Variants in GRID2 observed in about 807,000 individuals in gnomAD.
GRID2 encodes glutamate ionotropic receptor delta type subunit 2.
GRID2 carries 33 observed loss-of-function variants against 114.8 expected under a neutral mutation model. That is an observed-to-expected ratio of 0.29 (90% CI 0.22 to 0.38). GRID2 has a LOEUF of 0.38. GRID2 is among the 10% of genes least tolerant of loss of function. The pLI is 1.00. For missense variants in GRID2, 1,184 were observed against 1,257.7 expected, an observed-to-expected ratio of 0.94 and a Z score of 0.89; for synonymous variants, 505 against 449.9, an observed-to-expected ratio of 1.12 and a Z score of -1.55.
chr4:93,165,148 G>T (rs1234895066), intron 4 of GRID2, among the ~76,000 whole-genome samples: 1 of 152,020 alleles, frequency 6.6e-6, no homozygotes. Flanking sequence ...CAATTGCAAA[G>T]AAATATAAAT....
rs995880542 is a variant in GRID2, at chr4:92,607,267, A to C, written c.244+16981A>C. On this transcript the variant is annotated intron_variant, in intron 2 of 15. Coordinates refer to ENST00000282020, the MANE Select transcript of GRID2 (RefSeq NM_001510.4). ...TTTAAATAATATGACAAATGAAATAAACACGAATGTTAATGCTGAAGTTAT... is the reference window on the plus strand; with the variant it reads ...TTTAAATAATATGACAAATGAAATACACACGAATGTTAATGCTGAAGTTAT... Among the ~76,000 whole-genome samples, 3 of 151,992 alleles carry C rather than the reference A, an allele frequency of 2.0e-5. No homozygotes were observed. The East Asian group carries it at 5.8e-4, about 29-fold the overall frequency.
intron 2 of GRID2, among the ~76,000 whole-genome samples, chr4:92,685,698 A>G (rs555204866): frequency 6.6e-6 from 1 of 152,188 alleles, no homozygotes; most frequent in South Asian, 2.1e-4. Flanking sequence ...TTTAATATCC[A>G]AGATGTTGCC....
At chr4:93,607,821 T>A (rs1740412626) in intron 13 of GRID2, among the ~76,000 whole-genome samples, 1 of 152,152 alleles carries the variant, frequency 6.6e-6, no homozygotes, top group Admixed American at 6.6e-5. Flanking sequence ...TGTACTATTT[T>A]GCATTGCCTC....
At chr4:92,543,999 G>A (rs1436146447) in intron 1 of GRID2, among the ~76,000 whole-genome samples, 3 of 152,130 alleles carry the variant, frequency 2.0e-5, no homozygotes, top group Admixed American at 6.6e-5. Context: ...AAAGAACATG[G>A]TTGGAGTATT....
At chr4:92,841,194 G>T (rs1316794092) in intron 2 of GRID2, among the ~76,000 whole-genome samples, 1 of 151,972 alleles carries the variant, frequency 6.6e-6, no homozygotes. Context: ...TGCTTCCACA[G>T]GAACTGTCAG....
chr4:93,140,570 G>T (rs900430785), intron 4 of GRID2, among the ~76,000 whole-genome samples: 7 of 152,046 alleles, frequency 4.6e-5, no homozygotes, highest in African/African-American at 1.4e-4. Flanking sequence ...CTTACCTCAC[G>T]TACCCTCTGA....
At chr4:92,650,376 G>A (rs1302483770) in intron 2 of GRID2, among the ~76,000 whole-genome samples, 1 of 151,996 alleles carries the variant, frequency 6.6e-6, no homozygotes, top group Admixed American at 6.6e-5. Flanking sequence ...ACTATTGTTA[G>A]TCCTGCTTAG....
At chr4:93,805,753 T>C (rs544702521) in intron 1 of GRID2, among the ~76,000 whole-genome samples, 1 of 152,328 alleles carries the variant, frequency 6.6e-6, no homozygotes, top group Admixed American at 6.5e-5. Context: ...ATGGCTGAAA[T>C]ATGCCATCTA....
At chr4:93,081,462 A>G (rs182690548) in intron 2 of GRID2, among the ~76,000 whole-genome samples, 35 of 152,330 alleles carry the variant, frequency 2.3e-4, no homozygotes, top group African/African-American at 7.9e-4. Context: ...ATTAAATTCC[A>G]TAACTGCAGA....
intron 1 of GRID2, among the ~76,000 whole-genome samples, chr4:92,363,173 G>C (rs1276246593): frequency 6.6e-6 from 1 of 152,052 alleles, no homozygotes; most frequent in Non-Finnish European, 1.5e-5. Context: ...GTGAAGTAGA[G>C]TATTAGATGC....
intron 1 of GRID2, among the ~76,000 whole-genome samples, chr4:92,379,213 AT>A (rs5860273): frequency 0.41 from 62,620 of 151,516 alleles, 13,966 homozygotes; most frequent in East Asian, 0.7. Flanking sequence ...ATAAAGTTTA[AT>A]TTTTTTTACC....
At chr4:92,802,834 A>C (rs1015888365) in intron 2 of GRID2, among the ~76,000 whole-genome samples, 5 of 151,990 alleles carry the variant, frequency 3.3e-5, no homozygotes, top group Non-Finnish European at 7.4e-5. Context: ...AGGCCTCTTC[A>C]TTCCAATGGG....
chr4:93,074,103 A>T (rs1395526037), intron 2 of GRID2, among the ~76,000 whole-genome samples: 1 of 152,206 alleles, frequency 6.6e-6, no homozygotes, highest in Non-Finnish European at 1.5e-5. Context: ...TATTCTAAAT[A>T]CTACAAAGTA....
chr4:93,435,393 C>A (rs1387416882), intron 10 of GRID2, among the ~76,000 whole-genome samples: 1 of 152,074 alleles, frequency 6.6e-6, no homozygotes, highest in Non-Finnish European at 1.5e-5. Context: ...ACACTTTGAG[C>A]TTTTGTTCCT....
intron 8 of GRID2, among the ~76,000 whole-genome samples, chr4:93,286,660 G>T (rs1753182145): frequency 6.7e-6 from 1 of 148,740 alleles, no homozygotes; most frequent in South Asian, 2.1e-4. Context: ...CCCCTCAATG[G>T]GGAAAAGCTT....
At chr4:92,887,541 A>T (rs1317093080) in intron 2 of GRID2, among the ~76,000 whole-genome samples, 1 of 38,568 alleles carries the variant, frequency 2.6e-5, no homozygotes, top group Non-Finnish European at 4.6e-5. Context: ...TCTTCTCCCT[A>T]GTTAGAATCA....
chr4:92,922,397 C>A (rs1749436724), intron 2 of GRID2, among the ~76,000 whole-genome samples: 1 of 152,064 alleles, frequency 6.6e-6, no homozygotes, highest in Non-Finnish European at 1.5e-5. Flanking sequence ...AACCCAGTAC[C>A]TCAGTTGGAA....
chr4:93,249,891 T>C (rs1239909179), intron 8 of GRID2, among the ~76,000 whole-genome samples: 3 of 152,066 alleles, frequency 2.0e-5, no homozygotes, highest in Non-Finnish European at 1.5e-5. Context: ...TTTTACACTG[T>C]TGGTGGGAGT....
At chr4:93,149,341 A>G (rs1312113464) in intron 4 of GRID2, among the ~76,000 whole-genome samples, 8 of 152,092 alleles carry the variant, frequency 5.3e-5, no homozygotes, top group Non-Finnish European at 1.2e-4. Flanking sequence ...TGGGAGGCGG[A>G]GGCAGGTGGG....
Sources: allele counts gnomAD v4.1 joint callset (sites outside exome capture counted in the v4.1 genomes callset), GRCh38; gene constraint gnomAD v4.1.1; transcripts MANE v1.5; gene names NCBI Gene and HGNC (gene_info 2026-07-23, HGNC 2026-07-21).